CD99: variants seen among roughly 807,000 people sequenced by gnomAD.
The protein encoded by CD99 is CD99 molecule (Xg blood group), also known as CD99 antigen.
In CD99, 19 loss-of-function variants were observed where a neutral mutation model predicts 28.4. The observed-to-expected ratio is 0.67, with a 90% CI of 0.47 to 0.98. CD99 has a LOEUF of 0.98. Among genes scored for constraint, CD99 ranks in the 50% least tolerant of loss-of-function variants. CD99 has a pLI of 0.00. For synonymous variants in CD99, 103 were observed against 92.1 expected (o/e 1.12, Z -0.67); for missense variants, 283 against 248.8 (o/e 1.14, Z -0.92).
chrX:2,719,300 G>A (rs1339197167), intron 3 of CD99: 1 of 267,356 alleles, frequency 3.7e-6, no homozygotes, highest in African/African-American at 2.2e-5. Flanking sequence ...ATGGGATGGG[G>A]AGTCAACAGG....
In CD99 at chrX:2,740,768, G is replaced by A; in HGVS notation, c.533-11G>A. 1.2e-6 allele frequency: 2 copies of A among 1,613,736 alleles called. No homozygotes were observed. The highest frequency in any genetic ancestry group is 2.2e-5 in the South Asian group (2 of 91,066). ...CTGGGAATGACTTTCTTTTGTCTCT[G>A]TCTCCCACAGTTCAGCGTACTCTTT... On this transcript the variant is annotated splice_polypyrimidine_tract_variant and intron_variant, in intron 9 of 9. Coordinates refer to ENST00000381192, the MANE Select transcript of CD99 (RefSeq NM_002414.5).
At chrX:2,725,267 G>A (rs536153646) in intron 7 of CD99, among the ~76,000 whole-genome samples, 150 of 151,662 alleles carry the variant, frequency 9.9e-4, no homozygotes, top group African/African-American at 3.5e-3. Context: ...GCATGGTGGT[G>A]CACACCTGTA....
intron 2 of CD99, 158 bp from the exon 3 acceptor site, chrX:2,717,447 T>C (rs2302410): frequency 0.043 from 27,591 of 636,144 alleles, 1,299 homozygotes; most frequent in East Asian, 0.17. Context: ...CAAGAGTCGT[T>C]GTATAAACCT....
At chrX:2,702,822 C>A (rs1394299318) in intron 1 of CD99, among the ~76,000 whole-genome samples, 2 of 152,006 alleles carry the variant, frequency 1.3e-5, no homozygotes, top group Non-Finnish European at 2.9e-5. Context: ...CCCTCTTTCG[C>A]CAAGGCTGGA....
chrX:2,719,807 C>T, intron 4 of CD99, 102 bp downstream of exon 4: 1 of 1,233,838 alleles, frequency 8.1e-7, no homozygotes, highest in Non-Finnish European at 1.2e-6. Flanking sequence ...TAAAGGGAAC[C>T]AGTTTTCACA....
intron 8 of CD99, among the ~76,000 whole-genome samples, chrX:2,735,409 C>T (rs1047004368): frequency 1.7e-4 from 26 of 152,078 alleles, no homozygotes; most frequent in African/African-American, 4.1e-4. Flanking sequence ...TAGGGGTGTA[C>T]GGAGCATCTC....
chrX:2,719,830 G>A, intron 4 of CD99, 125 bp downstream of exon 4: 1 of 977,494 alleles, frequency 1.0e-6, no homozygotes, highest in East Asian at 2.4e-5. Flanking sequence ...GGAAACCTAG[G>A]GAATAGGTGT....
intron 8 of CD99, among the ~76,000 whole-genome samples, chrX:2,737,254 T>C (rs1425203335): frequency 1.3e-5 from 2 of 152,180 alleles, no homozygotes; most frequent in African/African-American, 2.4e-5. Context: ...CTCAGCTCAC[T>C]GCAACCTCCA....
intron 8 of CD99, among the ~76,000 whole-genome samples, chrX:2,733,059 C>CCT (rs60652665): frequency 0.25 from 37,524 of 149,262 alleles, 5,243 homozygotes; most frequent in African/African-American, 0.37. Context: ...TCGTTCCTTC[C>CCT]CTCTTTCTGC....
At chrX:2,708,142 C>T (rs1302563239) in intron 1 of CD99, among the ~76,000 whole-genome samples, 1 of 152,082 alleles carries the variant, frequency 6.6e-6, no homozygotes, top group Non-Finnish European at 1.5e-5. Context: ...ACCTGGGGGA[C>T]TGCCTCCCTC....
intron 7 of CD99, among the ~76,000 whole-genome samples, chrX:2,725,836 C>T (rs1444177996): frequency 6.6e-6 from 1 of 152,202 alleles, no homozygotes; most frequent in Non-Finnish European, 1.5e-5. Flanking sequence ...TGGTCTCAAA[C>T]TCCTGACCTC....
At chrX:2,693,653 G>C (rs2047437248) in intron 1 of CD99, among the ~76,000 whole-genome samples, 2 of 152,182 alleles carry the variant, frequency 1.3e-5, no homozygotes, top group African/African-American at 2.4e-5. Context: ...GGTGCTGATA[G>C]CTCTGGCCTG....
intron 1 of CD99, among the ~76,000 whole-genome samples, chrX:2,711,868 C>G (rs2048425083): frequency 6.6e-6 from 1 of 151,956 alleles, no homozygotes; most frequent in Non-Finnish European, 1.5e-5. Context: ...GGTGAAACCC[C>G]GTCTCTAGTA....
At chrX:2,739,051 G>T (rs966603172) in intron 9 of CD99, among the ~76,000 whole-genome samples, 41 of 151,802 alleles carry the variant, frequency 2.7e-4, no homozygotes, top group African/African-American at 9.2e-4. Context: ...TAGAGACAAG[G>T]TCTCACTAGG....
At position 2,691,601 on chromosome X, in the gene CD99, C is replaced by G. The variant is rs778282839; in HGVS notation, c.67+174C>G. 5.3e-3 allele frequency: 3,909 copies of G among 739,318 alleles called. 15 individuals carry two copies. The highest frequency in any genetic ancestry group is 7.2e-3 in the Non-Finnish European group (3,026 of 418,780). The allele number at this position is 739,318 out of a possible 1,614,324, so 45.8% of individuals were successfully genotyped here. A position where few individuals can be genotyped will look rare whatever the true frequency, so the allele number is the denominator to read the frequency against. ...CAGGCCCGGAGGAGGCGCCCACTTT[C>G]TCCCCAACGCTTTTCCTGGAGCCGT... On this transcript the variant is annotated intron_variant, in intron 1 of 9. Transcript: ENST00000381192.
chrX:2,729,871 G>A (rs2049500211), intron 8 of CD99, among the ~76,000 whole-genome samples: 1 of 152,168 alleles, frequency 6.6e-6, no homozygotes, highest in Admixed American at 6.5e-5. Context: ...AAGCAAATAT[G>A]TCCTGGCGAG....
In CD99 at chrX:2,733,477, T is replaced by C. The variant is rs1234672566; in HGVS notation, c.476-4723T>C. ...CAAACCCTTCCATCTGCCGCTCCCCTCGCCCTGCTGGCAAATTCCCACCAC... is the reference window on the plus strand; with the variant it reads ...CAAACCCTTCCATCTGCCGCTCCCCCCGCCCTGCTGGCAAATTCCCACCAC... On this transcript the variant is annotated intron_variant, in intron 8 of 9. Coordinates refer to ENST00000381192, the MANE Select transcript of CD99 (RefSeq NM_002414.5). The C allele has an allele frequency of 4.7e-6, 6 of 1,266,242 alleles. No individual in the cohort carries two copies. The African/African-American group carries it at 9.0e-5, about 19-fold the overall frequency. 78.4% of individuals were successfully genotyped at this position (1,266,242 alleles called of 1,614,324 possible). A position where few individuals can be genotyped will look rare whatever the true frequency, so the allele number is the denominator to read the frequency against.
At chrX:2,698,276 T>A (rs1401936834) in intron 1 of CD99, among the ~76,000 whole-genome samples, 1 of 150,776 alleles carries the variant, frequency 6.6e-6, no homozygotes, top group African/African-American at 2.4e-5. Flanking sequence ...TGCAGGTGAA[T>A]CTCTCACCTC....
At chrX:2,737,990 G>T (rs1034029742) in intron 8 of CD99, 2 of 716,314 alleles carry the variant, frequency 2.8e-6, no homozygotes, top group East Asian at 2.7e-5. Context: ...ATCTCTGCCT[G>T]TGCCATGCAT....
Sources: allele counts gnomAD v4.1 joint callset (sites outside exome capture counted in the v4.1 genomes callset), GRCh38; gene constraint gnomAD v4.1.1; transcripts MANE v1.5; gene names NCBI Gene and HGNC (gene_info 2026-07-23, HGNC 2026-07-21).